Variants in AKR1D1 observed in about 807,000 individuals in gnomAD.
AKR1D1 encodes delta(4)-3-ketosteroid 5-beta-reductase.
Under a neutral mutation model 42.6 loss-of-function variants are expected in AKR1D1, and 32 were observed. The ratio of observed to expected loss-of-function variants is 0.75; its 90% CI spans 0.57 to 1.01. AKR1D1 has a LOEUF of 1.01. Ranked by LOEUF, AKR1D1 falls within the 50% of genes least tolerant of loss-of-function variation. The pLI, the probability that AKR1D1 is intolerant of heterozygous loss-of-function variation, is 0.00. For missense variants in AKR1D1, 364 were observed against 402.2 expected (o/e 0.91, Z 0.81); for synonymous variants, 123 against 135.5 (o/e 0.91, Z 0.64).
At chr7:138,092,491 T>G (rs776321209) in intron 3 of AKR1D1, among the ~76,000 whole-genome samples, 8 of 152,260 alleles carry the variant, frequency 5.3e-5, no homozygotes, top group Non-Finnish European at 1.0e-4. Context: ...TTTGTTGTTC[T>G]GCAAACATCA....
At chr7:138,114,755 AT>A (rs1378745399) in intron 8 of AKR1D1, among the ~76,000 whole-genome samples, 1 of 151,478 alleles carries the variant, frequency 6.6e-6, no homozygotes, top group Non-Finnish European at 1.5e-5. Context: ...ACACACATGC[AT>A]TTTTTTCTTC....
At chr7:138,095,076 G>A (rs1439388390) in intron 3 of AKR1D1, among the ~76,000 whole-genome samples, 2 of 152,134 alleles carry the variant, frequency 1.3e-5, no homozygotes, top group African/African-American at 2.4e-5. Context: ...GAGGCTTATC[G>A]GGATGAAAGG....
At chr7:138,112,763 GATAAA>G (rs1295632308) in intron 7 of AKR1D1, among the ~76,000 whole-genome samples, 3 of 150,576 alleles carry the variant, frequency 2.0e-5, no homozygotes, top group Non-Finnish European at 4.4e-5. Context: ...AGGATAGAAA[GATAAA>G]ATAATAAAGA....
At chr7:138,080,979 G>C (rs1341323298) in intron 1 of AKR1D1, among the ~76,000 whole-genome samples, 1 of 151,688 alleles carries the variant, frequency 6.6e-6, no homozygotes, top group Non-Finnish European at 1.5e-5. Context: ...TGTCTACAGA[G>C]GACAGCCGTA....
intron 3 of AKR1D1, 118 bp downstream of exon 3, chr7:138,092,002 G>A: frequency 3.2e-6 from 2 of 618,232 alleles, no homozygotes; most frequent in South Asian, 2.0e-5. Context: ...TCTGCACCAT[G>A]AGCCAATAGC....
chr7:138,076,640 C>A (rs1203858244), intron 1 of AKR1D1, 29 bp downstream of exon 1: 1 of 1,558,196 alleles, frequency 6.4e-7, no homozygotes, highest in East Asian at 2.2e-5. Context: ...TCTTTGCTTG[C>A]TTGTTTGTTT....
chr7:138,105,609 G>A (rs903813178), intron 5 of AKR1D1, among the ~76,000 whole-genome samples, 180 bp downstream of exon 5: 1 of 152,168 alleles, frequency 6.6e-6, no homozygotes, highest in African/African-American at 2.4e-5. Context: ...CGGACTTGGG[G>A]CCTGGTGCGG....
intron 7 of AKR1D1, among the ~76,000 whole-genome samples, chr7:138,113,311 G>A (rs1794569755): frequency 6.9e-6 from 1 of 144,844 alleles, no homozygotes; most frequent in Non-Finnish European, 1.5e-5. Flanking sequence ...GTAAGACCCT[G>A]TCTCAAAAAA....
At chr7:138,093,199 G>C (rs1166591318) in intron 3 of AKR1D1, among the ~76,000 whole-genome samples, 1 of 151,610 alleles carries the variant, frequency 6.6e-6, no homozygotes, top group Non-Finnish European at 1.5e-5. Flanking sequence ...CTCCCAAGTA[G>C]CCGGGACTAC....
At chr7:138,106,394 T>C (rs1176264976) in intron 5 of AKR1D1, among the ~76,000 whole-genome samples, 3 of 152,208 alleles carry the variant, frequency 2.0e-5, no homozygotes, top group Admixed American at 6.5e-5. Context: ...ACATTCATAT[T>C]ATGTGAAATC....
intron 7 of AKR1D1, 100 bp downstream of exon 7, chr7:138,107,680 A>G: frequency 7.8e-7 from 1 of 1,284,734 alleles, no homozygotes; most frequent in South Asian, 1.2e-5. Flanking sequence ...TAACACTCTC[A>G]TATTTTATTT....
At chr7:138,108,936 CAAATT>C (rs1484182048) in intron 7 of AKR1D1, among the ~76,000 whole-genome samples, 5 of 152,138 alleles carry the variant, frequency 3.3e-5, no homozygotes, top group Admixed American at 1.3e-4. Flanking sequence ...TGTTATCTGT[CAAATT>C]AAATAAATTC....
intron 3 of AKR1D1, among the ~76,000 whole-genome samples, chr7:138,093,442 A>G (rs1049855058): frequency 6.6e-6 from 1 of 151,916 alleles, no homozygotes; most frequent in African/African-American, 2.4e-5. Flanking sequence ...TGTCTATTAA[A>G]TTTTTTTTTA....
At chr7:138,111,201 A>G (rs556266282) in intron 7 of AKR1D1, among the ~76,000 whole-genome samples, 1 of 152,266 alleles carries the variant, frequency 6.6e-6, no homozygotes, top group African/African-American at 2.4e-5. Context: ...TCTACTGTGT[A>G]ACTCCCACCA....
Position 138,097,931 on chromosome 7 carries a change from T to G in AKR1D1, c.444T>G (p.Cys148Trp). 6.2e-7 allele frequency: 1 copy of G among 1,611,890 alleles called. No homozygotes were observed. Among genetic ancestry groups the G allele is most frequent in the South Asian group, 1.1e-5 (1 of 91,018 alleles). ...GGTTATATCACAAGTCAAATCTGTG[T>G]GCCACTTGGGAGGTAAGTTCAAATG... is the stretch of plus-strand genomic sequence containing the variant. ...GKWLYHKSNL[C>W]ATWEAMEACK... Residue 148 changes from cysteine to tryptophan, a missense_variant, in exon 4 of 9, where the codon TGT becomes TGG. Physicochemically the swap from Cys to Trp is radical, Grantham distance 215 (BLOSUM62 -2). Transcript: ENST00000242375.
rs1793983452 is a variant in AKR1D1 at position 138,088,523 on chromosome 7, G to A, written c.94-78G>A. Reference sequence around the variant, plus strand: ...ATTTTAGCTGTAAAGGAATGTACATGCAAAATGTCCTGATTAATGATTATT... The same window carrying A: ...ATTTTAGCTGTAAAGGAATGTACATACAAAATGTCCTGATTAATGATTATT... On this transcript the variant is annotated intron_variant, in intron 1 of 8. Transcript: ENST00000242375. The A allele has an allele frequency of 4.7e-6, 7 of 1,496,086 alleles. No individual in the cohort carries two copies. The South Asian group carries it at 8.0e-5, about 17-fold the overall frequency. 92.7% of individuals were successfully genotyped at this position (1,496,086 alleles called of 1,614,324 possible).
In AKR1D1 at chr7:138,116,775, A is replaced by C; in HGVS notation, c.*113A>C. 3 of 939,794 alleles carry C rather than the reference A, an allele frequency of 3.2e-6. No individual in the cohort carries two copies. The highest frequency in any genetic ancestry group is 5.0e-6 in the Non-Finnish European group (3 of 595,830). The allele number at this position is 939,794 out of a possible 1,614,324, so 58.2% of individuals were successfully genotyped here. On this transcript the variant is annotated 3_prime_UTR_variant, in exon 9 of 9. Transcript: ENST00000242375. The stretch of plus-strand genomic sequence containing the variant: ...GAGGGTTTTACCATCCTGAGAAGAA[A>C]TAATGATGGAAACATGTTTAATGTT...
At chr7:138,077,872 C>T (rs776051255) in intron 1 of AKR1D1, among the ~76,000 whole-genome samples, 9 of 152,154 alleles carry the variant, frequency 5.9e-5, no homozygotes, top group African/African-American at 9.7e-5. Flanking sequence ...GTGCCTGGCA[C>T]AGGGAGTTAA....
intron 1 of AKR1D1, among the ~76,000 whole-genome samples, chr7:138,079,712 A>G (rs559925739): frequency 2.0e-5 from 3 of 152,354 alleles, no homozygotes; most frequent in Admixed American, 6.5e-5. Context: ...TGCCAATTAC[A>G]TCTTACAATG....
Sources: allele counts gnomAD v4.1 joint callset (sites outside exome capture counted in the v4.1 genomes callset), GRCh38; gene constraint gnomAD v4.1.1; transcripts MANE v1.5; gene names NCBI Gene and HGNC (gene_info 2026-07-23, HGNC 2026-07-21).